The following CPQ variants were observed in gnomAD, a reference collection of about 807,000 sequenced individuals.
CPQ encodes carboxypeptidase Q.
A neutral mutation model predicts 45.7 loss-of-function variants in CPQ; 37 were observed. The observed-to-expected ratio is 0.81, with a 90% CI of 0.62 to 1.07. The LOEUF (loss-of-function observed/expected upper bound fraction) is 1.07. Among genes scored for constraint, CPQ ranks in the 50% least tolerant of loss-of-function variants. The pLI, the probability that CPQ is intolerant of heterozygous loss-of-function variation, is 0.00. For missense variants in CPQ, 537 were observed against 572.9 expected (o/e 0.94, Z 0.64); for synonymous variants, 186 against 205.8 (o/e 0.90, Z 0.82).
intron 1 of CPQ, among the ~76,000 whole-genome samples, chr8:96,681,601 G>A (rs1317534769): frequency 6.6e-6 from 1 of 152,184 alleles, no homozygotes; most frequent in Non-Finnish European, 1.5e-5. Context: ...AAAAATGTGG[G>A]GTTGGAACCC....
intron 5 of CPQ, among the ~76,000 whole-genome samples, chr8:96,977,701 T>G (rs768969921): frequency 5.9e-5 from 9 of 152,196 alleles, no homozygotes; most frequent in Non-Finnish European, 8.8e-5. Context: ...CAGACCATCA[T>G]TCTAAATGAA....
intron 4 of CPQ, among the ~76,000 whole-genome samples, chr8:96,947,492 G>T (rs1213916018): frequency 6.6e-6 from 1 of 152,110 alleles, no homozygotes; most frequent in Non-Finnish European, 1.5e-5. Context: ...AAATCAGGAA[G>T]TGTGATGTTT....
chr8:96,680,331 G>A (rs758484987), intron 1 of CPQ: 2 of 152,176 alleles, frequency 1.3e-5, no homozygotes, highest in Non-Finnish European at 2.9e-5. Flanking sequence ...GAATTCACAC[G>A]TGTTGTGGGA....
intron 5 of CPQ, among the ~76,000 whole-genome samples, chr8:96,997,591 A>G (rs1205885704): frequency 6.6e-6 from 1 of 152,024 alleles, no homozygotes; most frequent in Non-Finnish European, 1.5e-5. Context: ...AAAAAATTTC[A>G]GGAGAAAAAT....
intron 4 of CPQ, among the ~76,000 whole-genome samples, chr8:96,887,645 A>G (rs554319383): frequency 3.3e-5 from 5 of 152,128 alleles, no homozygotes; most frequent in Non-Finnish European, 7.4e-5. Flanking sequence ...GGGCTGGCCC[A>G]TTTCTTTTGA....
At chr8:96,683,924 T>C (rs1367881833) in intron 1 of CPQ, among the ~76,000 whole-genome samples, 1 of 152,186 alleles carries the variant, frequency 6.6e-6, no homozygotes, top group African/African-American at 2.4e-5. Context: ...CTGGTATTTA[T>C]CATTCAGCTC....
chr8:96,764,135 T>C (rs1810439515), intron 1 of CPQ, among the ~76,000 whole-genome samples: 2 of 152,108 alleles, frequency 1.3e-5, no homozygotes, highest in Non-Finnish European at 2.9e-5. Flanking sequence ...GCAACCCAAA[T>C]CTCCATCAAT....
At chr8:96,861,056 T>C (rs1466606695) in intron 3 of CPQ, among the ~76,000 whole-genome samples, 1 of 152,204 alleles carries the variant, frequency 6.6e-6, no homozygotes, top group Non-Finnish European at 1.5e-5. Flanking sequence ...ATTTATTCAC[T>C]CTTCTTTAAA....
At chr8:96,732,656 C>T (rs1381757862) in intron 1 of CPQ, among the ~76,000 whole-genome samples, 2 of 151,474 alleles carry the variant, frequency 1.3e-5, no homozygotes, top group Non-Finnish European at 2.9e-5. Context: ...TATTTGGGAT[C>T]ATAGGATCTC....
intron 2 of CPQ, among the ~76,000 whole-genome samples, chr8:96,791,438 C>A (rs1348838583): frequency 6.6e-6 from 1 of 152,096 alleles, no homozygotes; most frequent in Admixed American, 6.6e-5. Context: ...GATTCTACAA[C>A]TGGGCCTCCT....
Position 97,143,109 on chromosome 8 carries a change from A to G in CPQ, c.1345A>G (p.Asn449Asp), listed in dbSNP as rs1303195207. ...GACTGTCATGGATCCAAAGCAGATG[A>G]ATGTTGCTGCTGCTGTTTGGGCTGT... The part of the protein sequence containing the change: ...TMTVMDPKQM[N>D]VAAAVWAVVS... The change falls in exon 8 of 8, where the codon AAT becomes GAT. Residue 449 changes from asparagine (N) to aspartate (D), a missense_variant. By Grantham distance (23) the Asn-to-Asp change is conservative. Transcript: ENST00000220763. 4 of 1,613,880 alleles carry G rather than the reference A, an allele frequency of 2.5e-6. No individual in the cohort carries two copies. The Admixed American group carries it at 5.0e-5, about 20-fold the overall frequency.
At chr8:97,087,967 A>G (rs1186381026) in intron 7 of CPQ, among the ~76,000 whole-genome samples, 2 of 152,182 alleles carry the variant, frequency 1.3e-5, no homozygotes, top group Non-Finnish European at 2.9e-5. Context: ...ATATGATAAT[A>G]TTGGAAATGC....
In CPQ at chr8:96,763,002, A is replaced by G. The variant is rs563326779; in HGVS notation, c.-34-21862A>G. Among the ~76,000 whole-genome samples, 4 of 152,168 alleles carry G rather than the reference A, an allele frequency of 2.6e-5. No individual in the cohort carries two copies. The East Asian group carries it at 7.7e-4, about 29-fold the overall frequency. On this transcript the variant is annotated intron_variant, in intron 1 of 7. Coordinates refer to ENST00000220763, the MANE Select transcript of CPQ (RefSeq NM_016134.4). ...GGCTGGAAGTCTGAGATCTAGGTGT[A>G]AGCAGGGTTGGTTTCTTCTGAGGCC...
chr8:97,006,400 C>T (rs150618890), intron 5 of CPQ, among the ~76,000 whole-genome samples: 1 of 152,148 alleles, frequency 6.6e-6, no homozygotes, highest in Non-Finnish European at 1.5e-5. Context: ...CACTCTCATA[C>T]AGGTCTGTTA....
chr8:97,037,634 T>C (rs1214081786), intron 6 of CPQ, among the ~76,000 whole-genome samples: 1 of 152,176 alleles, frequency 6.6e-6, no homozygotes, highest in Non-Finnish European at 1.5e-5. Context: ...GTTCCTATAT[T>C]CACATGATTT....
chr8:96,931,722 C>A (rs764899111), intron 4 of CPQ, among the ~76,000 whole-genome samples: 1 of 152,046 alleles, frequency 6.6e-6, no homozygotes, highest in Non-Finnish European at 1.5e-5. Context: ...TCTCAGACTT[C>A]GAGACTATTG....
chr8:96,661,029 T>C (rs1395261920), intron 1 of CPQ, among the ~76,000 whole-genome samples: 2 of 152,228 alleles, frequency 1.3e-5, no homozygotes, highest in East Asian at 3.8e-4. Context: ...TCTGTATATA[T>C]GAAACAGTGG....
chr8:97,018,209 C>A (rs781554731), intron 5 of CPQ, among the ~76,000 whole-genome samples: 1 of 152,180 alleles, frequency 6.6e-6, no homozygotes. Flanking sequence ...CAAGGAAACA[C>A]CCTGTGAGAC....
chr8:96,722,420 G>T (rs1809776850), intron 1 of CPQ, among the ~76,000 whole-genome samples: 1 of 149,234 alleles, frequency 6.7e-6, no homozygotes, highest in Non-Finnish European at 1.5e-5. Flanking sequence ...AACCATACCA[G>T]TTTTTTTTTT....
Sources: allele counts gnomAD v4.1 joint callset (sites outside exome capture counted in the v4.1 genomes callset), GRCh38; gene constraint gnomAD v4.1.1; transcripts MANE v1.5; gene names NCBI Gene and HGNC (gene_info 2026-07-23, HGNC 2026-07-21).